The following NAA15 variants were observed in gnomAD, a reference collection of about 807,000 sequenced individuals.
The protein encoded by NAA15 is N-terminal acetyltransferase.
A neutral mutation model predicts 114.0 loss-of-function variants in NAA15; 34 were observed. The ratio of observed to expected loss-of-function variants is 0.30; its 90% CI spans 0.23 to 0.40. The LOEUF (loss-of-function observed/expected upper bound fraction) is 0.40, where lower values mean the gene tolerates loss of function less well. Ranked by LOEUF, NAA15 falls within the 10% of genes least tolerant of loss-of-function variation. NAA15 has a pLI of 1.00. For missense variants in NAA15, 658 were observed against 1,004.5 expected (o/e 0.66, Z 4.66); for synonymous variants, 340 against 338.0 (o/e 1.01, Z -0.06).
At chr4:139,309,343 C>T (rs1471078134) in intron 1 of NAA15, among the ~76,000 whole-genome samples, 1 of 144,124 alleles carries the variant, frequency 6.9e-6, no homozygotes, top group Non-Finnish European at 1.5e-5. Flanking sequence ...AGTGAAACTT[C>T]GTCTCAAAAA....
intron 15 of NAA15, among the ~76,000 whole-genome samples, chr4:139,371,521 A>G (rs1194771024): frequency 1.3e-5 from 2 of 149,370 alleles, no homozygotes; most frequent in African/African-American, 5.0e-5. Context: ...ACACACACAC[A>G]CACACACACA....
chr4:139,370,626 T>C (rs928000464), intron 15 of NAA15, among the ~76,000 whole-genome samples: 3 of 152,180 alleles, frequency 2.0e-5, no homozygotes, highest in Non-Finnish European at 4.4e-5. Flanking sequence ...TATAGTATAG[T>C]ATGGTGGAAA....
At chr4:139,377,278 T>C (rs777736425) in intron 16 of NAA15, among the ~76,000 whole-genome samples, 1 of 152,216 alleles carries the variant, frequency 6.6e-6, no homozygotes, top group Non-Finnish European at 1.5e-5. Flanking sequence ...GGCTCATGAC[T>C]GTAATCCCAG....
rs1163858886 is a variant in NAA15 at position 139,389,578 on chromosome 4, T to A, written c.*1494T>A. 1.3e-5 allele frequency: 2 copies of A among 152,766 alleles called. No individual in the cohort carries two copies. Among genetic ancestry groups the A allele is most frequent in the Middle Eastern group, 3.4e-3 (1 of 294 alleles). The allele number at this position is 152,766 out of a possible 1,614,324, so 9.5% of individuals were successfully genotyped here. Reference sequence around the variant, plus strand: ...ATAATTTAAAAGGAAAACTAAAAACTATTTTGATTTGGGAAAATGAGCCTT... The same window carrying A: ...ATAATTTAAAAGGAAAACTAAAAACAATTTTGATTTGGGAAAATGAGCCTT... On this transcript the variant is annotated 3_prime_UTR_variant, in exon 20 of 20. Transcript: ENST00000296543.
At chr4:139,324,810 T>TA (rs1265170104) in intron 1 of NAA15, among the ~76,000 whole-genome samples, 5 of 152,180 alleles carry the variant, frequency 3.3e-5, no homozygotes, top group African/African-American at 1.2e-4. Flanking sequence ...AGTGACCTAT[T>TA]ATAGAAGTAG....
At chr4:139,350,915 C>T (rs1284562422) in intron 7 of NAA15, among the ~76,000 whole-genome samples, 1 of 152,040 alleles carries the variant, frequency 6.6e-6, no homozygotes, top group Non-Finnish European at 1.5e-5. Flanking sequence ...TATATGGAAA[C>T]ATGATAACCA....
At chr4:139,380,108 TG>T (rs1057189318) in intron 17 of NAA15, among the ~76,000 whole-genome samples, 3 of 152,210 alleles carry the variant, frequency 2.0e-5, no homozygotes, top group African/African-American at 7.2e-5. Context: ...ATACTACGCT[TG>T]TCCAAAAACT....
rs70943412 is a variant in NAA15 at position 139,309,426 on chromosome 4, A to AGTGTGT, written c.54+7634_54+7639dup. Among the ~76,000 whole-genome samples the AGTGTGT allele has an allele frequency of 2.0e-3, 283 of 143,666 alleles. 2 individuals are homozygous for AGTGTGT. The highest frequency in any genetic ancestry group is 4.9e-3 in the African/African-American group (186 of 37,982). 94.3% of individuals were successfully genotyped at this position (143,666 alleles called of 152,430 possible). ...AAATTTATTCTTTGCTTGCTTTTTA[A>AGTGTGT]GTGTGTGTGTGTGTGTGTGTGTGTG... On this transcript the variant is annotated intron_variant, in intron 1 of 19. Coordinates refer to ENST00000296543, the MANE Select transcript of NAA15 (RefSeq NM_057175.5).
chr4:139,361,834 G>T lies in NAA15; in HGVS notation c.1650G>T (p.Gln550His). The T allele has an allele frequency of 6.2e-7, 1 of 1,613,356 alleles. No individual in the cohort carries two copies. The highest frequency in any genetic ancestry group is 8.5e-7 in the Non-Finnish European group (1 of 1,179,472). Residue 550 changes from glutamine to histidine, a missense_variant, in exon 14 of 20, where the codon CAG becomes CAT. Transcript: ENST00000296543. Reference sequence around the variant, plus strand: ...TAAAACTAGAAGATGTACTTCGACAGCATCCATTTTACTTCAAGGCAGCAA... The same window carrying T: ...TAAAACTAGAAGATGTACTTCGACATCATCCATTTTACTTCAAGGCAGCAA... Reference protein sequence around the residue: ...DLLKLEDVLRQHPFYFKAARI... With the variant: ...DLLKLEDVLRHHPFYFKAARI...
intron 3 of NAA15, among the ~76,000 whole-genome samples, chr4:139,340,638 C>T (rs1747353402): frequency 6.6e-6 from 1 of 152,158 alleles, no homozygotes; most frequent in South Asian, 2.1e-4. Flanking sequence ...TATTTGTTTA[C>T]ATTTTAGTAA....
intron 14 of NAA15, among the ~76,000 whole-genome samples, chr4:139,365,035 ATATT>A (rs1329624117): frequency 4.6e-5 from 7 of 151,860 alleles, no homozygotes; most frequent in Admixed American, 4.6e-4. Flanking sequence ...ATAAATTTTA[ATATT>A]TATTTATTTA....
At chr4:139,386,791 C>T (rs1748920969) in intron 19 of NAA15, among the ~76,000 whole-genome samples, 1 of 149,928 alleles carries the variant, frequency 6.7e-6, no homozygotes, top group Non-Finnish European at 1.5e-5. Context: ...CGCTGTACTC[C>T]AGTATGGACA....
intron 7 of NAA15, 84 bp downstream of exon 7, chr4:139,349,665 A>C (rs1019568279): frequency 1.5e-6 from 2 of 1,342,042 alleles, no homozygotes; most frequent in Admixed American, 2.6e-5. Flanking sequence ...CACAACTAGA[A>C]TAATAGTGGT....
chr4:139,360,133 A>C (rs1748087661), intron 12 of NAA15, among the ~76,000 whole-genome samples: 2 of 152,080 alleles, frequency 1.3e-5, no homozygotes. Context: ...CGTTCAGATA[A>C]ATTTTTTAGG....
Position 139,370,353 on chromosome 4 carries a change from T to TC in NAA15, c.1896_1897insC (p.Glu633ArgfsTer19). On this transcript the variant is annotated frameshift_variant, in exon 15 of 20. Transcript: ENST00000296543. LOFTEE classifies it high-confidence loss of function. ...AGAAAAAGAAGAAGGATGATGATGA[T>TC]GAGGAGATAGGAGGTCCAAAAGAAG... 6.3e-7 allele frequency: 1 copy of TC among 1,593,226 alleles called. No homozygotes were observed. Among genetic ancestry groups the TC allele is most frequent in the Non-Finnish European group, 8.5e-7 (1 of 1,170,676 alleles).
At chr4:139,308,672 C>T (rs1048263015) in intron 1 of NAA15, among the ~76,000 whole-genome samples, 1 of 152,160 alleles carries the variant, frequency 6.6e-6, no homozygotes, top group Non-Finnish European at 1.5e-5. Context: ...GATCTCAGCT[C>T]ACTGCACTCT....
chr4:139,379,140 G>A (rs1407981528), intron 17 of NAA15: 2 of 230,080 alleles, frequency 8.7e-6, no homozygotes, highest in Non-Finnish European at 8.3e-6. Flanking sequence ...ACCATATTTT[G>A]TTATGTAAAA....
At chr4:139,387,041 G>A (rs779671843) in intron 19 of NAA15, among the ~76,000 whole-genome samples, 7 of 152,122 alleles carry the variant, frequency 4.6e-5, no homozygotes, top group Non-Finnish European at 8.8e-5. Context: ...TCATTTAATA[G>A]CAAATGAAGG....
In NAA15 at chr4:139,344,298, A is replaced by T. The variant is rs2110918006; in HGVS notation, c.650A>T (p.Glu217Val). Residue 217 changes from glutamate to valine, a missense_variant, in exon 6 of 20, where the codon GAA becomes GTA. Around this residue, in one of 6 missense-constraint regions of NAA15, gnomAD observed 281 missense variants for 389.1 expected, o/e 0.72. Transcript: ENST00000296543. ...GCTTTGGAACATCTTTGTACCTATGAAAAGCAGATTTGTGATAAACTTGCT... is the reference window on the plus strand; with the variant it reads ...GCTTTGGAACATCTTTGTACCTATGTAAAGCAGATTTGTGATAAACTTGCT... ...REALEHLCTY[E>V]KQICDKLAVE... is the part of the protein sequence containing the mutation. 1 of 1,611,722 alleles carries T rather than the reference A, an allele frequency of 6.2e-7. No homozygotes were observed.
Sources: allele counts gnomAD v4.1 joint callset (sites outside exome capture counted in the v4.1 genomes callset), GRCh38; gene constraint gnomAD v4.1.1; regional missense constraint gnomAD v4.1.1; transcripts MANE v1.5; gene names NCBI Gene and HGNC (gene_info 2026-07-23, HGNC 2026-07-21).